The following ENTPD1 variants were observed in gnomAD, a reference collection of about 807,000 sequenced individuals.
ENTPD1 encodes the protein ectonucleoside triphosphate diphosphohydrolase 1.
ENTPD1 carries 33 observed loss-of-function variants against 57.0 expected under a neutral mutation model. The observed-to-expected ratio is 0.58, with a 90% CI of 0.44 to 0.77. The LOEUF is 0.77. ENTPD1 is among the 30% of genes least tolerant of loss of function. The probability of loss-of-function intolerance (pLI) is 0.00; values close to 1 mark genes in which losing one functional copy is unlikely to be tolerated. For missense variants in ENTPD1, 501 were observed against 603.4 expected (o/e 0.83, Z 1.78); for synonymous variants, 202 against 218.8 (o/e 0.92, Z 0.68).
chr10:95,827,385 G>A (rs2098381131), intron 2 of ENTPD1, among the ~76,000 whole-genome samples: 1 of 152,000 alleles, frequency 6.6e-6, no homozygotes, highest in Admixed American at 6.5e-5. Context: ...AACCTGGGAG[G>A]TGAAGGTTGC....
chr10:95,699,413 C>T, the ENTPD1 span, among the ~76,000 whole-genome samples: 2 of 152,098 alleles, frequency 1.3e-5, no homozygotes, highest in South Asian at 4.2e-4. Flanking sequence ...AGTTAAAGAC[C>T]AGCTTGGGCA....
At chr10:95,757,369 T>C (rs1343247222) in intron 1 of ENTPD1, among the ~76,000 whole-genome samples, 3 of 152,134 alleles carry the variant, frequency 2.0e-5, no homozygotes, top group African/African-American at 7.2e-5. Context: ...CCTTGAGATC[T>C]CATAGTTAGT....
chr10:95,753,918 C>A, upstream of ENTPD1: 1 of 152,436 alleles, frequency 6.6e-6, no homozygotes, highest in African/African-American at 2.4e-5. Flanking sequence ...ATCACTTGAA[C>A]CTGGGAGGCA....
At chr10:95,720,191 A>G (rs756150668) in intron 1 of ENTPD1, among the ~76,000 whole-genome samples, 1 of 152,140 alleles carries the variant, frequency 6.6e-6, no homozygotes, top group Admixed American at 6.5e-5. Flanking sequence ...TGGTAGGGAA[A>G]GGAGGCAGAA....
intron 1 of ENTPD1, among the ~76,000 whole-genome samples, chr10:95,810,506 C>T (rs1415370953): frequency 1.3e-5 from 2 of 151,930 alleles, no homozygotes; most frequent in East Asian, 3.9e-4. Flanking sequence ...AGACGCTCCT[C>T]ACATCCCAGA....
intron 2 of ENTPD1, among the ~76,000 whole-genome samples, chr10:95,837,884 G>T (rs886636743): frequency 6.6e-6 from 1 of 151,634 alleles, no homozygotes; most frequent in East Asian, 1.9e-4. Context: ...ACCAAACAAG[G>T]TCATTTCTAC....
At chr10:95,754,764 C>T (rs1405785780), upstream of ENTPD1, 1 of 152,180 alleles carries the variant, frequency 6.6e-6, no homozygotes, top group Non-Finnish European at 1.5e-5. Context: ...ATGCAAAATC[C>T]TATAACTATA....
At chr10:95,840,421 C>G (rs2098420004) in intron 3 of ENTPD1, among the ~76,000 whole-genome samples, 1 of 152,192 alleles carries the variant, frequency 6.6e-6, no homozygotes, top group Admixed American at 6.5e-5. Context: ...ATTTATTGCT[C>G]TCTTAATCTT....
chr10:95,834,274 A>T lies in ENTPD1; in HGVS notation c.145-5417A>T, dbSNP rs181407426. Reference sequence around the variant, plus strand: ...TGGTAAACAAAGTAGACCTGCCCTCATGTAGCTTACAATCTAATAATAAAG... The same window carrying T: ...TGGTAAACAAAGTAGACCTGCCCTCTTGTAGCTTACAATCTAATAATAAAG... On this transcript the variant is annotated intron_variant, in intron 2 of 9. Transcript: ENST00000371205. Among the ~76,000 whole-genome samples the T allele has an allele frequency of 2.2e-4, 34 of 152,326 alleles. 1 individual carries two copies. Among genetic ancestry groups the T allele is most frequent in the Non-Finnish European group, 3.7e-4 (25 of 68,038 alleles).
At chr10:95,807,659 CT>C (rs766340196) in intron 1 of ENTPD1, among the ~76,000 whole-genome samples, 30 of 152,186 alleles carry the variant, frequency 2.0e-4, no homozygotes, top group Non-Finnish European at 3.1e-4. Context: ...CCTTCTCTGA[CT>C]TTTTTGAGCA....
At chr10:95,790,545 G>A (rs1218501165) in intron 1 of ENTPD1, among the ~76,000 whole-genome samples, 2 of 152,096 alleles carry the variant, frequency 1.3e-5, no homozygotes, top group Non-Finnish European at 2.9e-5. Context: ...GATGAAGAGA[G>A]TAATATAATA....
At chr10:95,706,898 G>A (rs934887521), upstream of ENTPD1, among the ~76,000 whole-genome samples, 3 of 152,190 alleles carry the variant, frequency 2.0e-5, no homozygotes, top group Non-Finnish European at 4.4e-5. Flanking sequence ...CATGGCCCGG[G>A]TGTTCAGCCC....
chr10:95,827,096 AT>A (rs906728583), intron 2 of ENTPD1, among the ~76,000 whole-genome samples: 2 of 152,202 alleles, frequency 1.3e-5, no homozygotes, highest in Non-Finnish European at 2.9e-5. Context: ...GGTGAAATTA[AT>A]TTTAATAATA....
At chr10:95,780,067 T>A (rs1168668416) in intron 1 of ENTPD1, among the ~76,000 whole-genome samples, 2 of 152,196 alleles carry the variant, frequency 1.3e-5, no homozygotes, top group Non-Finnish European at 2.9e-5. Flanking sequence ...ATATTGTATT[T>A]TATGCCAATT....
chr10:95,798,907 T>A (rs1195532376), intron 1 of ENTPD1, among the ~76,000 whole-genome samples: 1 of 152,218 alleles, frequency 6.6e-6, no homozygotes, highest in Non-Finnish European at 1.5e-5. Flanking sequence ...TCTGTGAATC[T>A]GAGCAAATAA....
intron 1 of ENTPD1, among the ~76,000 whole-genome samples, chr10:95,764,459 T>C (rs1252782648): frequency 6.6e-6 from 1 of 152,228 alleles, no homozygotes; most frequent in Non-Finnish European, 1.5e-5. Context: ...TTTGATGAAC[T>C]GCCAGACTGT....
At chr10:95,762,208 G>GAAA (rs1491465444) in intron 1 of ENTPD1, among the ~76,000 whole-genome samples, 1 of 69,010 alleles carries the variant, frequency 1.4e-5, no homozygotes, top group African/African-American at 6.3e-5. Flanking sequence ...TTAAAAAGAA[G>GAAA]CAAAAAAAAA....
chr10:95,778,688 T>G (rs1007794801), intron 1 of ENTPD1, among the ~76,000 whole-genome samples: 1 of 152,208 alleles, frequency 6.6e-6, no homozygotes, highest in African/African-American at 2.4e-5. Flanking sequence ...TTTCTGATAG[T>G]TTATTTAAAT....
intron 1 of ENTPD1, among the ~76,000 whole-genome samples, chr10:95,782,686 C>A (rs1175323439): frequency 2.0e-5 from 3 of 152,148 alleles, no homozygotes; most frequent in African/African-American, 4.8e-5. Flanking sequence ...GAGAATTTTC[C>A]CCCTTGCCTT....
Sources: allele counts gnomAD v4.1 joint callset (sites outside exome capture counted in the v4.1 genomes callset), GRCh38; gene constraint gnomAD v4.1.1; transcripts MANE v1.5; gene names NCBI Gene and HGNC (gene_info 2026-07-23, HGNC 2026-07-21).